Variants in IFTAP observed in about 807,000 individuals in gnomAD.
IFTAP encodes the protein intraflagellar transport-associated protein.
IFTAP carries 19 observed loss-of-function variants against 19.4 expected under a neutral mutation model. The observed-to-expected ratio is 0.98, with a 90% confidence interval of 0.68 to 1.44. The LOEUF (loss-of-function observed/expected upper bound fraction) is 1.44, where lower values mean the gene tolerates loss of function less well. IFTAP is among the 40% of genes most tolerant of loss of function. The pLI is 0.00. For missense variants in IFTAP, 240 were observed against 253.6 expected (o/e 0.95, Z 0.36); for synonymous variants, 85 against 83.5 (o/e 1.02, Z -0.10).
intron 2 of IFTAP, among the ~76,000 whole-genome samples, chr11:36,626,109 T>C (rs1852499572): frequency 6.6e-6 from 1 of 151,186 alleles, no homozygotes; most frequent in South Asian, 2.1e-4. Flanking sequence ...TTGATTTTAG[T>C]ACTAGCGTCT....
At chr11:36,636,435 C>CGAAA (rs1565023413) in intron 4 of IFTAP, among the ~76,000 whole-genome samples, 1 of 152,132 alleles carries the variant, frequency 6.6e-6, no homozygotes. Flanking sequence ...GAGGTACAGT[C>CGAAA]TTGTAAACTG....
At chr11:36,608,699 C>G (rs1851776878) in intron 1 of IFTAP, among the ~76,000 whole-genome samples, 2 of 152,130 alleles carry the variant, frequency 1.3e-5, no homozygotes, top group Admixed American at 1.3e-4. Flanking sequence ...AATGTGAGCT[C>G]TAGCTGTATA....
chr11:36,630,563 A>C (rs1457497109), intron 2 of IFTAP, among the ~76,000 whole-genome samples: 1 of 151,412 alleles, frequency 6.6e-6, no homozygotes, highest in Non-Finnish European at 1.5e-5. Flanking sequence ...CTTTATTTCA[A>C]AGGAGTTTCA....
chr11:36,596,525 A>T (rs1851265170), intron 1 of IFTAP, among the ~76,000 whole-genome samples: 1 of 152,220 alleles, frequency 6.6e-6, no homozygotes, highest in African/African-American at 2.4e-5. Context: ...GAGGGAAGGC[A>T]TCTGAGCAAC....
Position 36,650,038 on chromosome 11 carries a change from C to G in IFTAP, c.498+1883C>G, listed in dbSNP as rs114296831. 1.5e-3 allele frequency among the ~76,000 whole-genome samples: 234 copies of G among 152,180 alleles called. 1 individual carries two copies. The highest frequency in any genetic ancestry group is 5.3e-3 in the African/African-American group (219 of 41,530). ...ACTCGTATATATTCTGCAACCCTTCCAAAATCTGAAATCCAAAACACTTCA... is the reference window on the plus strand; with the variant it reads ...ACTCGTATATATTCTGCAACCCTTCGAAAATCTGAAATCCAAAACACTTCA... On this transcript the variant is annotated intron_variant, in intron 5 of 5. Transcript: ENST00000334307.
At position 36,659,018 on chromosome 11, in the gene IFTAP, G is replaced by T. The variant is rs745927881; in HGVS notation, c.499-1G>T. On this transcript the variant is annotated splice_acceptor_variant, in intron 5 of 5. Transcript: ENST00000334307. LOFTEE classifies it high-confidence loss of function. ...TTTTCCTCCTTTGTTACCTTTTATA[G>T]ATACTTGGAGATGAAGTTCAACTTT... 3 of 1,580,560 alleles carry T rather than the reference G, an allele frequency of 1.9e-6. No homozygotes were observed. The highest frequency in any genetic ancestry group is 2.6e-6 in the Non-Finnish European group (3 of 1,161,808).
chr11:36,635,378 A>G (rs796293281), intron 3 of IFTAP, among the ~76,000 whole-genome samples: 26 of 152,292 alleles, frequency 1.7e-4, no homozygotes, highest in African/African-American at 5.5e-4. Context: ...AAAATGTCTC[A>G]TTGTCAGCTT....
chr11:36,634,824 A>C (rs529993367), intron 3 of IFTAP, among the ~76,000 whole-genome samples: 1 of 151,766 alleles, frequency 6.6e-6, no homozygotes, highest in Non-Finnish European at 1.5e-5. Context: ...ATTTTTTTTT[A>C]TTAATTGATG....
chr11:36,658,908 C>G (rs545756472), intron 5 of IFTAP, 111 bp from the exon 6 acceptor site: 1 of 754,394 alleles, frequency 1.3e-6, no homozygotes, highest in South Asian at 2.7e-5. Flanking sequence ...GCTGAGAGTG[C>G]TGAAGTCTGA....
At position 36,622,350 on chromosome 11, in the gene IFTAP, T is replaced by TG. The variant is rs531078959; in HGVS notation, c.137-10933dup. On this transcript the variant is annotated intron_variant, in intron 2 of 5. Coordinates refer to ENST00000334307, the MANE Select transcript of IFTAP (RefSeq NM_138787.4). ...TCCAGTGTAGGTGAGTTAAAGAGGT[T>TG]GCCTTAAGTAAATGCAACTTTTTGT... is the stretch of plus-strand genomic sequence containing the variant. 2.2e-3 allele frequency among the ~76,000 whole-genome samples: 329 copies of TG among 152,254 alleles called. 1 individual carries two copies. Among genetic ancestry groups the TG allele is most frequent in the African/African-American group, 7.4e-3 (307 of 41,552 alleles).
At chr11:36,617,945 A>T (rs1466781152) in intron 2 of IFTAP, among the ~76,000 whole-genome samples, 1 of 152,040 alleles carries the variant, frequency 6.6e-6, no homozygotes, top group Admixed American at 6.6e-5. Flanking sequence ...ATTACTACTG[A>T]TAGCAGCTAA....
intron 5 of IFTAP, among the ~76,000 whole-genome samples, chr11:36,656,719 G>A (rs567022698): frequency 1.3e-5 from 2 of 152,014 alleles, no homozygotes; most frequent in African/African-American, 4.8e-5. Flanking sequence ...ATGAAACCTT[G>A]TAGACACAGA....
chr11:36,626,395 A>G (rs1852512781), intron 2 of IFTAP, among the ~76,000 whole-genome samples: 1 of 151,388 alleles, frequency 6.6e-6, no homozygotes, highest in Admixed American at 6.6e-5. Flanking sequence ...TCTTATAAGC[A>G]GAGGCCATGT....
intron 2 of IFTAP, among the ~76,000 whole-genome samples, chr11:36,611,706 A>G (rs1416320474): frequency 6.6e-6 from 1 of 152,112 alleles, no homozygotes; most frequent in Admixed American, 6.6e-5. Context: ...ATTTTTGTTT[A>G]TACTTAATGG....
At chr11:36,595,995 C>T (rs1851214468) in intron 1 of IFTAP, among the ~76,000 whole-genome samples, 1 of 152,142 alleles carries the variant, frequency 6.6e-6, no homozygotes, top group Middle Eastern at 3.2e-3. Context: ...CTTCTTGTCA[C>T]CCTTTGTCTA....
intron 2 of IFTAP, among the ~76,000 whole-genome samples, chr11:36,627,741 T>C (rs2133437099): frequency 6.6e-6 from 1 of 151,204 alleles, no homozygotes; most frequent in East Asian, 1.9e-4. Context: ...GGTAAGCTCA[T>C]TTTATGGGAT....
At chr11:36,629,249 A>G (rs1173319614) in intron 2 of IFTAP, among the ~76,000 whole-genome samples, 2 of 151,274 alleles carry the variant, frequency 1.3e-5, no homozygotes, top group African/African-American at 2.5e-5. Flanking sequence ...CTTTCAGAGT[A>G]CCCAACCTTG....
chr11:36,599,344 C>T (rs1159671131), intron 1 of IFTAP, among the ~76,000 whole-genome samples: 3 of 152,186 alleles, frequency 2.0e-5, no homozygotes, highest in Admixed American at 2.0e-4. Context: ...ATTTACCTAA[C>T]CTTCCACTAT....
chr11:36,601,723 G>C (rs1851516561), intron 1 of IFTAP, among the ~76,000 whole-genome samples: 1 of 151,936 alleles, frequency 6.6e-6, no homozygotes, highest in East Asian at 1.9e-4. Context: ...GCATAATCTT[G>C]GCTCAACTCA....
Sources: allele counts gnomAD v4.1 joint callset (sites outside exome capture counted in the v4.1 genomes callset), GRCh38; gene constraint gnomAD v4.1.1; transcripts MANE v1.5; gene names NCBI Gene and HGNC (gene_info 2026-07-23, HGNC 2026-07-21).